Variants in B3GALT1 observed in about 807,000 individuals in gnomAD.
The protein encoded by B3GALT1 is beta-1,3-galactosyltransferase 1, also known as UDP-Gal:betaGlcNAc beta 1,3-galactosyltransferase, polypeptide 1.
A neutral mutation model predicts 23.2 loss-of-function variants in B3GALT1; 10 were observed. That is an observed-to-expected ratio of 0.43 (90% CI 0.27 to 0.73). The LOEUF is 0.73. Ranked by LOEUF, B3GALT1 falls within the 30% of genes least tolerant of loss-of-function variation. The pLI, the probability that B3GALT1 is intolerant of heterozygous loss-of-function variation, is 0.21. For missense variants in B3GALT1, 299 were observed against 405.4 expected (o/e 0.74, Z 2.25); for synonymous variants, 156 against 141.5 (o/e 1.10, Z -0.73).
intron 3 of B3GALT1, among the ~76,000 whole-genome samples, chr2:167,684,928 CAGTT>C (rs34131399): frequency 0.074 from 11,319 of 152,150 alleles, 588 homozygotes; most frequent in African/African-American, 0.15. Flanking sequence ...AGACACATGA[CAGTT>C]AGGGGCATAA....
chr2:167,663,085 A>C (rs2105474420), intron 3 of B3GALT1, among the ~76,000 whole-genome samples: 1 of 147,744 alleles, frequency 6.8e-6, no homozygotes, highest in East Asian at 2.1e-4. Flanking sequence ...CATTACGTAT[A>C]TCTCCCAATG....
chr2:167,330,968 A>C (rs948043313), intron 1 of B3GALT1, among the ~76,000 whole-genome samples: 1 of 151,400 alleles, frequency 6.6e-6, no homozygotes. Context: ...TTTTTTTCCC[A>C]AATTTTAAAA....
At chr2:167,618,376 G>A (rs1685196991) in intron 2 of B3GALT1, among the ~76,000 whole-genome samples, 1 of 151,970 alleles carries the variant, frequency 6.6e-6, no homozygotes, top group Admixed American at 6.6e-5. Flanking sequence ...TGACATTTTA[G>A]CATGTTTGCT....
chr2:167,371,094 A>G (rs535180612), intron 1 of B3GALT1, among the ~76,000 whole-genome samples: 1 of 152,316 alleles, frequency 6.6e-6, no homozygotes, highest in Non-Finnish European at 1.5e-5. Context: ...AAGAAGGGAT[A>G]GCAATCAGTG....
chr2:167,656,490 A>C (rs1490503327), intron 3 of B3GALT1, among the ~76,000 whole-genome samples: 1 of 152,166 alleles, frequency 6.6e-6, no homozygotes, highest in Admixed American at 6.5e-5. Flanking sequence ...CAACTTTTTC[A>C]ATCCTCTTTT....
intron 2 of B3GALT1, among the ~76,000 whole-genome samples, chr2:167,563,526 C>CCA (rs577047430): frequency 0.028 from 284 of 10,064 alleles, 43 homozygotes; most frequent in African/African-American, 0.04. Flanking sequence ...GGGCGGCTGG[C>CCA]GGCGGGGGGC....
At chr2:167,328,548 C>T (rs1696929369) in intron 1 of B3GALT1, among the ~76,000 whole-genome samples, 1 of 152,054 alleles carries the variant, frequency 6.6e-6, no homozygotes, top group African/African-American at 2.4e-5. Flanking sequence ...TCTGTGGTAT[C>T]AGTTGTAATG....
At chr2:167,864,868 C>G (rs890980923) in intron 4 of B3GALT1, among the ~76,000 whole-genome samples, 2 of 151,972 alleles carry the variant, frequency 1.3e-5, no homozygotes, top group Non-Finnish European at 2.9e-5. Flanking sequence ...CCACACAGCA[C>G]AGTGCTTCCT....
At chr2:167,535,946 CAG>C (rs1307449240) in intron 2 of B3GALT1, among the ~76,000 whole-genome samples, 13 of 152,198 alleles carry the variant, frequency 8.5e-5, no homozygotes, top group African/African-American at 3.1e-4. Flanking sequence ...TTTTTTGAGA[CAG>C]AGTCTCACTC....
chr2:167,824,950 AAG>A (rs1405266240), intron 4 of B3GALT1, among the ~76,000 whole-genome samples: 3 of 152,126 alleles, frequency 2.0e-5, no homozygotes, highest in African/African-American at 7.2e-5. Flanking sequence ...ATATAAACTT[AAG>A]AGTTATTCAC....
chr2:167,531,804 A>G (rs1266167436), intron 2 of B3GALT1, among the ~76,000 whole-genome samples: 1 of 152,172 alleles, frequency 6.6e-6, no homozygotes, highest in Admixed American at 6.5e-5. Context: ...TCTAATTTCA[A>G]TAATCAAATA....
chr2:167,474,997 A>G (rs1321834061), intron 1 of B3GALT1, among the ~76,000 whole-genome samples: 1 of 152,172 alleles, frequency 6.6e-6, no homozygotes, highest in Non-Finnish European at 1.5e-5. Flanking sequence ...GATTTTATAC[A>G]TCTTTCTACT....
chr2:167,516,905 C>T (rs1207267424), intron 2 of B3GALT1, among the ~76,000 whole-genome samples: 1 of 151,538 alleles, frequency 6.6e-6, no homozygotes, highest in Non-Finnish European at 1.5e-5. Flanking sequence ...GACCAGCCTC[C>T]ACATAGGTTG....
At chr2:167,533,059 C>T (rs1291424703) in intron 2 of B3GALT1, among the ~76,000 whole-genome samples, 1 of 150,964 alleles carries the variant, frequency 6.6e-6, no homozygotes, top group Non-Finnish European at 1.5e-5. Flanking sequence ...CGGGGTTTCT[C>T]TATGTTGGTC....
intron 1 of B3GALT1, among the ~76,000 whole-genome samples, chr2:167,458,358 C>T (rs1213006144): frequency 1.3e-5 from 2 of 152,298 alleles, no homozygotes; most frequent in Admixed American, 6.5e-5. Context: ...CATTCATCCA[C>T]GCTTGGACAC....
chr2:167,350,851 CTG>C (rs1283914008), intron 1 of B3GALT1, among the ~76,000 whole-genome samples: 1 of 152,230 alleles, frequency 6.6e-6, no homozygotes, highest in African/African-American at 2.4e-5. Flanking sequence ...TGCATGTTGA[CTG>C]TTCTCAGCAA....
At chr2:167,564,067 G>A (rs903861876) in intron 2 of B3GALT1, among the ~76,000 whole-genome samples, 15 of 151,678 alleles carry the variant, frequency 9.9e-5, no homozygotes, top group Middle Eastern at 3.2e-3. Flanking sequence ...CTTCCCAGAC[G>A]GGGCGGCTGC....
At chr2:167,455,481 A>G (rs1699154190) in intron 1 of B3GALT1, among the ~76,000 whole-genome samples, 2 of 151,968 alleles carry the variant, frequency 1.3e-5, no homozygotes, top group African/African-American at 2.4e-5. Context: ...TTTCTCCACT[A>G]CTTTTTATTT....
chr2:167,313,439 A>G (rs1351918581), intron 1 of B3GALT1, among the ~76,000 whole-genome samples: 1 of 152,144 alleles, frequency 6.6e-6, no homozygotes, highest in African/African-American at 2.4e-5. Flanking sequence ...TTTAAACATA[A>G]AGAGATACCT....
Sources: allele counts gnomAD v4.1 joint callset (sites outside exome capture counted in the v4.1 genomes callset), GRCh38; gene constraint gnomAD v4.1.1; transcripts MANE v1.5; gene names NCBI Gene and HGNC (gene_info 2026-07-23, HGNC 2026-07-21).